Variants in ROBO2 observed in about 807,000 individuals in gnomAD.
ROBO2 encodes the protein roundabout homolog 2.
In ROBO2, 53 loss-of-function variants were observed where a neutral mutation model predicts 160.8. The ratio of observed to expected loss-of-function variants is 0.33; its 90% CI spans 0.26 to 0.41. The LOEUF is 0.41. Ranked by LOEUF, ROBO2 falls within the 10% of genes least tolerant of loss-of-function variation. ROBO2 has a pLI of 1.00. For missense variants in ROBO2, 1,577 were observed against 1,722.4 expected (o/e 0.92, Z 1.49); for synonymous variants, 664 against 611.7 (o/e 1.09, Z -1.26).
intron 2 of ROBO2, among the ~76,000 whole-genome samples, chr3:76,891,337 G>A (rs1002341084): frequency 1.3e-5 from 2 of 152,006 alleles, no homozygotes; most frequent in Non-Finnish European, 2.9e-5. Flanking sequence ...TTCCTAAGCT[G>A]TTGAACAATT....
chr3:75,924,730 T>C (rs1327999179), intron 1 of ROBO2, among the ~76,000 whole-genome samples: 6 of 114,452 alleles, frequency 5.2e-5, no homozygotes, highest in Admixed American at 2.6e-4. Context: ...GCTCTGTGGC[T>C]CAGGCTGGAG....
intron 1 of ROBO2, among the ~76,000 whole-genome samples, chr3:77,068,338 A>C (rs546958747): frequency 1.3e-5 from 2 of 152,268 alleles, no homozygotes; most frequent in South Asian, 4.1e-4. Flanking sequence ...TTTTGCCTAC[A>C]AGTTTCCTTC....
intron 2 of ROBO2, among the ~76,000 whole-genome samples, chr3:77,163,950 T>C (rs1377652462): frequency 6.6e-6 from 1 of 152,234 alleles, no homozygotes; most frequent in Non-Finnish European, 1.5e-5. Flanking sequence ...AGTTCTGTTC[T>C]TAAGTTGTAA....
intron 2 of ROBO2, among the ~76,000 whole-genome samples, chr3:76,039,863 G>A (rs1468697066): frequency 1.3e-5 from 2 of 152,016 alleles, no homozygotes; most frequent in African/African-American, 2.4e-5. Context: ...AAATTAATCA[G>A]TATTATCTTC....
At chr3:76,272,342 C>A (rs1214185047) in intron 2 of ROBO2, among the ~76,000 whole-genome samples, 1 of 151,832 alleles carries the variant, frequency 6.6e-6, no homozygotes, top group Non-Finnish European at 1.5e-5. Flanking sequence ...AAAATATGAA[C>A]CACCAGAGGT....
intron 1 of ROBO2, among the ~76,000 whole-genome samples, chr3:77,077,387 G>A (rs1457366908): frequency 6.6e-6 from 1 of 152,170 alleles, no homozygotes. Flanking sequence ...TGTGCTGGAC[G>A]TCAGAAATAA....
chr3:77,201,425 A>C (rs558795998), intron 2 of ROBO2, among the ~76,000 whole-genome samples: 1 of 152,186 alleles, frequency 6.6e-6, no homozygotes, highest in African/African-American at 2.4e-5. Context: ...ACATAATAAC[A>C]ATTACAGTTT....
At chr3:76,275,988 A>G (rs996279008) in intron 2 of ROBO2, among the ~76,000 whole-genome samples, 3 of 152,066 alleles carry the variant, frequency 2.0e-5, no homozygotes, top group Non-Finnish European at 4.4e-5. Context: ...AATCAAATAT[A>G]CAATTTAAAT....
At chr3:76,550,548 C>T (rs550812526) in intron 2 of ROBO2, among the ~76,000 whole-genome samples, 15 of 152,320 alleles carry the variant, frequency 9.8e-5, no homozygotes, top group Middle Eastern at 3.4e-3. Flanking sequence ...GAGCCCTGCC[C>T]CCTTCCAAGT....
intron 24 of ROBO2, chr3:77,642,697 C>T (rs1273480869): frequency 6.6e-6 from 3 of 456,468 alleles, no homozygotes; most frequent in Non-Finnish European, 1.3e-5. Flanking sequence ...AGATCCCCCG[C>T]CAGGTCAGGG....
At chr3:77,190,517 A>G (rs1358461742) in intron 2 of ROBO2, among the ~76,000 whole-genome samples, 1 of 151,980 alleles carries the variant, frequency 6.6e-6, no homozygotes, top group Non-Finnish European at 1.5e-5. Flanking sequence ...CTTTTCAGAC[A>G]AAACCTGTAT....
At chr3:77,265,585 A>G (rs547779082) in intron 2 of ROBO2, among the ~76,000 whole-genome samples, 8 of 152,304 alleles carry the variant, frequency 5.3e-5, no homozygotes, top group African/African-American at 1.9e-4. Flanking sequence ...TTCAATCTCA[A>G]TATGATGTTA....
At chr3:76,354,370 T>G (rs535853669) in intron 2 of ROBO2, among the ~76,000 whole-genome samples, 39 of 152,030 alleles carry the variant, frequency 2.6e-4, no homozygotes, top group African/African-American at 8.4e-4. Flanking sequence ...AAAGAATAAC[T>G]TCTACTTTAG....
intron 2 of ROBO2, among the ~76,000 whole-genome samples, chr3:76,276,791 T>C (rs941095314): frequency 6.6e-6 from 1 of 151,990 alleles, no homozygotes; most frequent in African/African-American, 2.4e-5. Context: ...GATGTCCTTG[T>C]ATCTGAAGTC....
chr3:77,621,161 C>T (rs1376037754), intron 22 of ROBO2, among the ~76,000 whole-genome samples: 1 of 152,176 alleles, frequency 6.6e-6, no homozygotes. Context: ...CATGATAGCT[C>T]ATGCCTGTAA....
At chr3:76,049,403 A>ATATATATATTTTTT (rs1414664360) in intron 2 of ROBO2, among the ~76,000 whole-genome samples, 3 of 53,758 alleles carry the variant, frequency 5.6e-5, no homozygotes, top group African/African-American at 2.9e-4. Context: ...ATATATATAT[A>ATATATATATTTTTT]TTTTTTTTTT....
chr3:76,142,943 C>CAA (rs2071733633), intron 2 of ROBO2, among the ~76,000 whole-genome samples: 1 of 151,542 alleles, frequency 6.6e-6, no homozygotes, highest in African/African-American at 2.4e-5. Context: ...TATGTACCCA[C>CAA]AAAAATAAAA....
At chr3:76,420,754 T>A (rs2075963262) in intron 2 of ROBO2, among the ~76,000 whole-genome samples, 1 of 152,216 alleles carries the variant, frequency 6.6e-6, no homozygotes, top group South Asian at 2.1e-4. Context: ...TAAACATTTC[T>A]CTCCAGTGGA....
chr3:77,231,675 C>T (rs1055069610), intron 2 of ROBO2, among the ~76,000 whole-genome samples: 7 of 152,002 alleles, frequency 4.6e-5, no homozygotes, highest in Admixed American at 2.0e-4. Flanking sequence ...TGTTTTACCC[C>T]GCCGAAAATC....
Sources: allele counts gnomAD v4.1 joint callset (sites outside exome capture counted in the v4.1 genomes callset), GRCh38; gene constraint gnomAD v4.1.1; transcripts MANE v1.5; gene names NCBI Gene and HGNC (gene_info 2026-07-23, HGNC 2026-07-21).